WFIKKN1: variants seen among roughly 807,000 people sequenced by gnomAD.
WFIKKN1 encodes the protein WAP, follistatin/kazal, immunoglobulin, kunitz and netrin domain containing 1.
Under a neutral mutation model 4.6 loss-of-function variants are expected in WFIKKN1, and 6 were observed. That is an observed-to-expected ratio of 1.31 (90% CI 0.72 to 2.59). The LOEUF is 2.59. Ranked by LOEUF, WFIKKN1 falls within the 30% of genes most tolerant of loss-of-function variation. The pLI is 0.00. For synonymous variants in WFIKKN1, 468 were observed against 367.4 expected (o/e 1.27, Z -3.13); for missense variants, 964 against 818.0 (o/e 1.18, Z -2.18).
rs1356111993 is a variant in WFIKKN1 at position 631,453 on chromosome 16, G to A, written c.171+29G>A. 5 of 1,595,028 alleles carry A rather than the reference G, an allele frequency of 3.1e-6. No homozygotes were observed. In the African/African-American group the frequency reaches 6.8e-5, roughly 22 times the overall value. Reference sequence around the variant, plus strand: ...AGTGTGGTCGGGCCGGGGTCCTGGGGCTCAGAGCAGCCAGCCTGGGCAAGA... The same window carrying A: ...AGTGTGGTCGGGCCGGGGTCCTGGGACTCAGAGCAGCCAGCCTGGGCAAGA... On this transcript the variant is annotated intron_variant, in intron 1 of 1. Transcript: ENST00000319070.
At position 632,590 on chromosome 16, in the gene WFIKKN1, G is replaced by A. The variant is rs568979205; in HGVS notation, c.180G>A (p.Ala60=). ...GTGTCCCCCATCCCCAGGACTGTGC[G>A]GCTGCTGAGAAGTGCTGCATCAACG... is the stretch of plus-strand genomic sequence containing the variant. ...ERECSRDQDC[A]AAEKCCINVC... Residue 60 remains alanine (A), a synonymous_variant, in exon 2 of 2, where the codon GCG becomes GCA. Transcript: ENST00000319070. 1.5e-5 allele frequency: 23 copies of A among 1,547,440 alleles called. No individual in the cohort carries two copies. Among genetic ancestry groups the A allele is most frequent in the East Asian group, 4.7e-5 (2 of 42,774 alleles).
chr16:633,265 G>C lies in WFIKKN1; in HGVS notation c.855G>C (p.Pro285=). 6.3e-7 allele frequency: 1 copy of C among 1,582,802 alleles called. No individual in the cohort carries two copies. The highest frequency in any genetic ancestry group is 2.3e-5 in the East Asian group (1 of 43,142). ...CACTCTCTGTGGTCCAGCGAGAGCCGGCCAGGGACGCAGCCCCCAGCATCC... is the reference window on the plus strand; with the variant it reads ...CACTCTCTGTGGTCCAGCGAGAGCCCGCCAGGGACGCAGCCCCCAGCATCC... The part of the protein sequence containing the change: ...DFPLSVVQRE[P]ARDAAPSIPA... The change falls in exon 2 of 2, where the codon CCG becomes CCC. Residue 285 remains proline, a synonymous_variant. Transcript: ENST00000319070.
chr16:632,608 C>T lies in WFIKKN1; in HGVS notation c.198C>T (p.Cys66=). Residue 66 remains cysteine, a synonymous_variant, in exon 2 of 2, where the codon TGC becomes TGT. Transcript: ENST00000319070. Reference sequence around the variant, plus strand: ...ACTGTGCGGCTGCTGAGAAGTGCTGCATCAACGTGTGTGGACTGCACAGCT... The same window carrying T: ...ACTGTGCGGCTGCTGAGAAGTGCTGTATCAACGTGTGTGGACTGCACAGCT... The part of the protein sequence containing the change: ...DQDCAAAEKC[C]INVCGLHSCV... 4 of 1,568,964 alleles carry T rather than the reference C, an allele frequency of 2.5e-6. No individual in the cohort carries two copies. The highest frequency in any genetic ancestry group is 3.5e-6 in the Non-Finnish European group (4 of 1,154,612).
Position 633,037 on chromosome 16 carries a change from C to G in WFIKKN1, c.627C>G (p.Val209=), listed in dbSNP as rs1271406319. The G allele has an allele frequency of 6.2e-7, 1 of 1,611,092 alleles. No individual in the cohort carries two copies. Among genetic ancestry groups the G allele is most frequent in the Admixed American group, 1.7e-5 (1 of 59,914 alleles). Reference sequence around the variant, plus strand: ...GTACGGCCAGCCTCCACTGCGACGTCAGCGGCCGCCCGCCGCCTGCTGTGA... The same window carrying G: ...GTACGGCCAGCCTCCACTGCGACGTGAGCGGCCGCCCGCCGCCTGCTGTGA... ...VGGTASLHCD[V]SGRPPPAVTW... Residue 209 remains valine, a synonymous_variant, in exon 2 of 2, where the codon GTC becomes GTG. Coordinates refer to ENST00000319070, the MANE Select transcript of WFIKKN1 (RefSeq NM_053284.3).
Position 632,049 on chromosome 16 carries a change from TCCCATCCACTCCTCCCATCCA to T in WFIKKN1, c.172-531_172-511del. ...CACTGCCTCTCCTCCCACCCTCTCC[TCCCATCCACTCCTCCCATCCA>T]CTCCTCCCATCCACTTCTTCCATCC... On this transcript the variant is annotated intron_variant, in intron 1 of 1. Coordinates refer to ENST00000319070, the MANE Select transcript of WFIKKN1 (RefSeq NM_053284.3). 1.7e-5 allele frequency: 2 copies of T among 118,246 alleles called. 1 individual carries two copies. Among genetic ancestry groups the T allele is most frequent in the Non-Finnish European group, 3.5e-5 (2 of 57,002 alleles). 7.3% of individuals were successfully genotyped at this position (118,246 alleles called of 1,614,324 possible).
Position 633,818 on chromosome 16 carries a change from C to T in WFIKKN1, c.1408C>T (p.Leu470Phe), listed in dbSNP as rs202136863. Residue 470 changes from leucine to phenylalanine, a missense_variant, in exon 2 of 2, where the codon CTC (leucine) becomes TTC (phenylalanine). Coordinates refer to ENST00000319070, the MANE Select transcript of WFIKKN1 (RefSeq NM_053284.3). ...EDVLKDDKMG[L>F]KFLGTKYLEV... ...CGTGCTCAAGGATGACAAGATGGGC[C>T]TCAAGTTCTTGGGCACCAAGTACCT... The T allele has an allele frequency of 2.5e-6, 4 of 1,603,350 alleles. No individual in the cohort carries two copies. The highest frequency in any genetic ancestry group is 1.7e-4 in the Middle Eastern group (1 of 6,050).
At position 633,439 on chromosome 16, in the gene WFIKKN1, C is replaced by T. The variant is rs773675063; in HGVS notation, c.1029C>T (p.Thr343=). 3.2e-6 allele frequency: 5 copies of T among 1,546,464 alleles called. No individual in the cohort carries two copies. The African/African-American group carries it at 6.9e-5, about 21-fold the overall frequency. The change falls in exon 2 of 2, where the codon ACC becomes ACT. Residue 343 remains threonine (T), a synonymous_variant. Coordinates refer to ENST00000319070, the MANE Select transcript of WFIKKN1 (RefSeq NM_053284.3). ...GCDGAARGFE[T]YEACQQACAR... ...ATGGGGCGGCCCGCGGCTTTGAGAC[C>T]TACGAGGCATGCCAGCAGGCCTGTG...
At chr16:632,313 C>T (rs568646999) in intron 1 of WFIKKN1, 1 of 402,870 alleles carries the variant, frequency 2.5e-6, no homozygotes, top group African/African-American at 2.1e-5. Context: ...GCACTGTACG[C>T]CCTCCTTGGG....
chr16:632,584 C>T lies in WFIKKN1; in HGVS notation c.174C>T (p.Asp58=). 1 of 1,541,770 alleles carries T rather than the reference C, an allele frequency of 6.5e-7. No homozygotes were observed. The highest frequency in any genetic ancestry group is 8.8e-7 in the Non-Finnish European group (1 of 1,140,482). ...TCERECSRDQ[D]CAAAEKCCIN... ...ACCTAAGTGTCCCCCATCCCCAGGA[C>T]TGTGCGGCTGCTGAGAAGTGCTGCA... is the stretch of plus-strand genomic sequence containing the variant. The change falls in exon 2 of 2, where the codon GAC becomes GAT. Residue 58 remains aspartate, a splice_region_variant and synonymous_variant. Transcript: ENST00000319070.
In WFIKKN1 at chr16:631,029, C is replaced by G. The variant is rs955687929; in HGVS notation, c.-225C>G. The stretch of plus-strand genomic sequence containing the variant: ...AAGCTGGAGAGGAACCAGCGTCACA[C>G]AGACGGCCTCTGAGAACTTGGAGAC... On this transcript the variant is annotated 5_prime_UTR_variant, in exon 1 of 2. Coordinates refer to ENST00000319070, the MANE Select transcript of WFIKKN1 (RefSeq NM_053284.3). 1.8e-6 allele frequency: 1 copy of G among 565,966 alleles called. No individual in the cohort carries two copies. Among genetic ancestry groups the G allele is most frequent in the African/African-American group, 2.0e-5 (1 of 51,078 alleles). The allele number at this position is 565,966 out of a possible 1,614,324, so 35.1% of individuals were successfully genotyped here.
At position 632,921 on chromosome 16, in the gene WFIKKN1, C is replaced by A; in HGVS notation, c.511C>A (p.Pro171Thr). The A allele has an allele frequency of 6.4e-7, 1 of 1,560,342 alleles. No individual in the cohort carries two copies. The highest frequency in any genetic ancestry group is 1.4e-5 in the African/African-American group (1 of 73,292). Residue 171 changes from proline to threonine, a missense_variant, in exon 2 of 2, where the codon CCG (proline) becomes ACG (threonine). Transcript: ENST00000319070. ...LSWPPSSPGPPETTARPTPGA... is the reference protein window; with the variant it reads ...LSWPPSSPGPTETTARPTPGA... ...CTGGCCGCCCAGCAGCCCGGGGCCG[C>A]CGGAGACCACTGCCCGCCCCACACC...
chr16:633,932 C>T lies in WFIKKN1; in HGVS notation c.1522C>T (p.Arg508Cys), dbSNP rs201006114. 1.6e-4 allele frequency: 253 copies of T among 1,594,184 alleles called. No homozygotes were observed. Among genetic ancestry groups the T allele is most frequent in the South Asian group, 7.3e-4 (65 of 88,680 alleles). Residue 508 changes from arginine (R) to cysteine (C), a missense_variant, in exon 2 of 2, where the codon CGC (arginine) becomes TGC (cysteine). Physicochemically the swap from Arg to Cys is radical, Grantham distance 180 (BLOSUM62 -3). Coordinates refer to ENST00000319070, the MANE Select transcript of WFIKKN1 (RefSeq NM_053284.3). Reference protein sequence around the residue: ...DGPLVIMGEVRDGVAVLDAGS... With the variant: ...DGPLVIMGEVCDGVAVLDAGS... ...GCCGCTGGTCATCATGGGTGAGGTG[C>T]GCGATGGCGTGGCCGTGCTGGACGC...
At position 633,471 on chromosome 16, in the gene WFIKKN1, GC is replaced by G; in HGVS notation, c.1065del (p.Gly356AlafsTer73). 6.6e-7 allele frequency: 1 copy of G among 1,523,570 alleles called. No individual in the cohort carries two copies. 94.4% of individuals were successfully genotyped at this position (1,523,570 alleles called of 1,614,324 possible). ...GCATGCCAGCAGGCCTGTGCCCGCGGCCCCGGCGACGCCTGCGTGCTGCCTG... is the reference window on the plus strand; with the variant it reads ...GCATGCCAGCAGGCCTGTGCCCGCGGCCCGGCGACGCCTGCGTGCTGCCTG... ...YEACQQACAR[G>X]PGDACVLPAV... is the part of the protein sequence containing the mutation. On this transcript the variant is annotated frameshift_variant, in exon 2 of 2. Coordinates refer to ENST00000319070, the MANE Select transcript of WFIKKN1 (RefSeq NM_053284.3). LOFTEE classifies it low-confidence loss of function (END_TRUNC).
Position 633,804 on chromosome 16 carries a change from A to C in WFIKKN1, c.1394A>C (p.Asp465Ala). 1 of 1,603,276 alleles carries C rather than the reference A, an allele frequency of 6.2e-7. No homozygotes were observed. Among genetic ancestry groups the C allele is most frequent in the Non-Finnish European group, 8.5e-7 (1 of 1,175,488 alleles). Residue 465 changes from aspartate to alanine, a missense_variant, in exon 2 of 2, where the codon GAT (aspartate) becomes GCT (alanine). Asp to Ala is a moderately radical substitution (Grantham distance 126). Transcript: ENST00000319070. ...GTGGCGCTCGAGGACGTGCTCAAGG[A>C]TGACAAGATGGGCCTCAAGTTCTTG... ...ARVALEDVLK[D>A]DKMGLKFLGT...
intron 1 of WFIKKN1, 163 bp downstream of exon 1, chr16:631,587 TTAAGAA>T (rs111991728): frequency 0.18 from 149,092 of 828,178 alleles, 15,479 homozygotes; most frequent in African/African-American, 0.25. Flanking sequence ...CTCATTTGTC[TTAAGAA>T]TAAGAGCCCT....
Position 631,145 on chromosome 16 carries a change from G to A in WFIKKN1, c.-109G>A. On this transcript the variant is annotated 5_prime_UTR_variant, in exon 1 of 2. Coordinates refer to ENST00000319070, the MANE Select transcript of WFIKKN1 (RefSeq NM_053284.3). Reference sequence around the variant, plus strand: ...AAGGGAGCCCCGGGGTCCTGGTGGGGGCACCGACCACAGGCCCGGAGGGTG... The same window carrying A: ...AAGGGAGCCCCGGGGTCCTGGTGGGAGCACCGACCACAGGCCCGGAGGGTG... 7.7e-7 allele frequency: 1 copy of A among 1,297,646 alleles called. No homozygotes were observed. 80.4% of individuals were successfully genotyped at this position (1,297,646 alleles called of 1,614,324 possible).
At position 633,067 on chromosome 16, in the gene WFIKKN1, G is replaced by C. The variant is rs919250632; in HGVS notation, c.657G>C (p.Trp219Cys). The change falls in exon 2 of 2, where the codon TGG becomes TGC. Residue 219 changes from tryptophan to cysteine, a missense_variant. Coordinates refer to ENST00000319070, the MANE Select transcript of WFIKKN1 (RefSeq NM_053284.3). ...VSGRPPPAVTWEKQSHQRENL... is the reference protein window; with the variant it reads ...VSGRPPPAVTCEKQSHQRENL... ...GCCGCCCGCCGCCTGCTGTGACCTG[G>C]GAGAAGCAGAGTCACCAGCGAGAGA... 1.2e-6 allele frequency: 2 copies of C among 1,612,174 alleles called. No homozygotes were observed. Among genetic ancestry groups the C allele is most frequent in the African/African-American group, 2.7e-5 (2 of 75,014 alleles).
In WFIKKN1 at chr16:633,086, CGA is replaced by C; in HGVS notation, c.681_682del (p.Asn228ProfsTer6). The C allele has an allele frequency of 6.2e-7, 1 of 1,612,160 alleles. No individual in the cohort carries two copies. Among genetic ancestry groups the C allele is most frequent in the Non-Finnish European group, 8.5e-7 (1 of 1,179,572 alleles). On this transcript the variant is annotated frameshift_variant, in exon 2 of 2. Coordinates refer to ENST00000319070, the MANE Select transcript of WFIKKN1 (RefSeq NM_053284.3). LOFTEE classifies it low-confidence loss of function (END_TRUNC). ...GACCTGGGAGAAGCAGAGTCACCAGCGAGAGAACCTGATCATGCGCCCTGATC... is the reference window on the plus strand; with the variant it reads ...GACCTGGGAGAAGCAGAGTCACCAGCGAGAACCTGATCATGCGCCCTGATC... ...AVTWEKQSHQ[R>X]ENLIMRPDQM...
At position 631,280 on chromosome 16, in the gene WFIKKN1, G is replaced by GCTCCTGCTC; in HGVS notation, c.33_41dup (p.Leu12_Leu14dup). ...TGCCCGCCCTACGTCCACTCCTGCC[G>GCTCCTGCTC]CTCCTGCTCCTCCTCCGGCTGACCT... On this transcript the variant is annotated inframe_insertion, in exon 1 of 2. Transcript: ENST00000319070. 1.3e-6 allele frequency: 2 copies of GCTCCTGCTC among 1,584,262 alleles called. No individual in the cohort carries two copies. The highest frequency in any genetic ancestry group is 1.7e-6 in the Non-Finnish European group (2 of 1,172,378).
Sources: gnomAD v4.1 joint callset for allele counts on GRCh38, gnomAD v4.1.1 for gene constraint, MANE v1.5 for transcripts, NCBI Gene and HGNC (gene_info 2026-07-23, HGNC 2026-07-21) for gene names.